Variants in CTTN observed in about 807,000 individuals in gnomAD.
The protein encoded by CTTN is src substrate cortactin.
In CTTN, 28 loss-of-function variants were observed where a neutral mutation model predicts 84.0. The ratio of observed to expected loss-of-function variants is 0.33; its 90% CI spans 0.25 to 0.46. CTTN has a LOEUF of 0.46. Ranked by LOEUF, CTTN falls within the 20% of genes least tolerant of loss-of-function variation. The pLI is 1.00. For synonymous variants in CTTN, 301 were observed against 288.8 expected (o/e 1.04, Z -0.43); for missense variants, 641 against 723.8 (o/e 0.89, Z 1.31).
At position 70,407,317 on chromosome 11, in the gene CTTN, G is replaced by A. The variant is rs1357540353; in HGVS notation, c.20G>A (p.Gly7Asp). ...TTTCAGATGTGGAAAGCTTCAGCAGGCCACGCTGTGTCCATCGCCCAGGAT... is the reference window on the plus strand; with the variant it reads ...TTTCAGATGTGGAAAGCTTCAGCAGACCACGCTGTGTCCATCGCCCAGGAT... MWKASA[G>D]HAVSIAQDDA... The change falls in exon 3 of 18, where the codon GGC becomes GAC. Residue 7 changes from glycine (G) to aspartate (D), a missense_variant. Gly to Asp is a moderately conservative substitution (Grantham distance 94). Coordinates refer to ENST00000301843, the MANE Select transcript of CTTN (RefSeq NM_005231.4). 3 of 1,552,362 alleles carry A rather than the reference G, an allele frequency of 1.9e-6. No homozygotes were observed. The highest frequency in any genetic ancestry group is 3.9e-5 in the Admixed American group (2 of 51,090).
chr11:70,415,009 C>T (rs904279209), intron 6 of CTTN, among the ~76,000 whole-genome samples: 11 of 152,122 alleles, frequency 7.2e-5, no homozygotes, highest in East Asian at 1.9e-4. Flanking sequence ...GGGCAGGATG[C>T]GCTCGTGTCC....
chr11:70,425,029 T>C (rs1190870897), intron 12 of CTTN, among the ~76,000 whole-genome samples: 2 of 152,164 alleles, frequency 1.3e-5, no homozygotes, highest in Non-Finnish European at 2.9e-5. Context: ...CTCACACCTC[T>C]GGGTGGCGAC....
intron 13 of CTTN, among the ~76,000 whole-genome samples, chr11:70,427,558 G>A (rs1357109777): frequency 6.6e-6 from 1 of 152,256 alleles, no homozygotes; most frequent in African/African-American, 2.4e-5. Flanking sequence ...GGGAAAGGGA[G>A]GAGTGTTTGT....
intron 6 of CTTN, among the ~76,000 whole-genome samples, 162 bp downstream of exon 6, chr11:70,414,814 G>T (rs2058138981): frequency 6.6e-6 from 1 of 152,272 alleles, no homozygotes; most frequent in East Asian, 1.9e-4. Flanking sequence ...GAGAGCCTGG[G>T]CTCTCAGAGA....
chr11:70,421,399 C>A, intron 10 of CTTN, 71 bp from the exon 11 acceptor site: 1 of 1,091,642 alleles, frequency 9.2e-7, no homozygotes, highest in Non-Finnish European at 1.4e-6. Flanking sequence ...TTTGCGCATG[C>A]TCATGCAATT....
chr11:70,402,562 A>G (rs1217374594), intron 1 of CTTN, among the ~76,000 whole-genome samples: 1 of 152,222 alleles, frequency 6.6e-6, no homozygotes, highest in Non-Finnish European at 1.5e-5. Flanking sequence ...AACTCCAGAC[A>G]TTTCCTAGAA....
chr11:70,421,625 G>A, intron 11 of CTTN, 45 bp downstream of exon 11: 1 of 1,391,176 alleles, frequency 7.2e-7, no homozygotes, highest in Non-Finnish European at 1.0e-6. Flanking sequence ...ACCCTCCTGT[G>A]CGGCCACTTC....
intron 9 of CTTN, 127 bp from the exon 10 acceptor site, chr11:70,420,273 C>T: frequency 1.4e-6 from 1 of 692,998 alleles, no homozygotes; most frequent in Non-Finnish European, 2.6e-6. Flanking sequence ...AAAGTATTAC[C>T]AAAGATCCGG....
chr11:70,415,449 C>G (rs181800596), intron 6 of CTTN, among the ~76,000 whole-genome samples: 203 of 152,346 alleles, frequency 1.3e-3, no homozygotes, highest in African/African-American at 4.7e-3. Context: ...ATGGCTTGGC[C>G]TGCGCCGCCC....
rs760509462 is a variant in CTTN, at chr11:70,421,527, C to T, written c.848C>T (p.Ala283Val). Residue 283 changes from alanine (A) to valine (V), a missense_variant, in exon 11 of 18, where the codon GCT (alanine) becomes GTT (valine). This residue lies in a region of CTTN where 289 missense variants were observed against 273.1 expected (regional missense o/e 1.06). Coordinates refer to ENST00000301843, the MANE Select transcript of CTTN (RefSeq NM_005231.4). ...FGVQSERQDS[A>V]AVGFDYKEKL... ...GTTCAGTCGGAGAGGCAGGACTCCG[C>T]TGCTGTGGGGTTTGATTACAAGGAG... is the stretch of plus-strand genomic sequence containing the variant. 6.2e-7 allele frequency: 1 copy of T among 1,614,158 alleles called. No homozygotes were observed. The highest frequency in any genetic ancestry group is 8.5e-7 in the Non-Finnish European group (1 of 1,180,014).
At position 70,425,493 on chromosome 11, in the gene CTTN, C is replaced by A. The variant is rs188816276; in HGVS notation, c.1027+92C>A. 4.2e-5 allele frequency: 37 copies of A among 884,130 alleles called. No individual in the cohort carries two copies. In the African/African-American group the frequency reaches 5.5e-4, roughly 13 times the overall value. The allele number at this position is 884,130 out of a possible 1,614,324, so 54.8% of individuals were successfully genotyped here. On this transcript the variant is annotated intron_variant, in intron 13 of 17. Coordinates refer to ENST00000301843, the MANE Select transcript of CTTN (RefSeq NM_005231.4). ...TGTGAAACAGCCAGGAGCAGATGCA[C>A]CACTAGTTGAAAGCGTGGTTGTTGC...
chr11:70,422,285 A>G (rs2058246094), intron 11 of CTTN: 1 of 350,880 alleles, frequency 2.8e-6, no homozygotes, highest in Non-Finnish European at 5.7e-6. Flanking sequence ...CTTGCAGGGA[A>G]GACTCTAGGC....
At position 70,403,250 on chromosome 11, in the gene CTTN, G is replaced by T. The variant is rs142825562; in HGVS notation, c.-97-2015G>T. ...TGTCGCCAGGCTGCAGTATAGTGGC[G>T]CAATCTCGGCTCACTACAGCCTCTG... On this transcript the variant is annotated intron_variant, in intron 1 of 17. Transcript: ENST00000301843. Among the ~76,000 whole-genome samples, 509 of 144,574 alleles carry T rather than the reference G, an allele frequency of 3.5e-3. 2 individuals carry two copies. Among genetic ancestry groups the T allele is most frequent in the African/African-American group, 0.013 (484 of 38,712 alleles). The allele number at this position is 144,574 out of a possible 152,430, so 94.8% of individuals were successfully genotyped here.
chr11:70,409,838 A>G lies in CTTN; in HGVS notation c.169A>G (p.Lys57Glu). ...TTCATCTCTTCCATCAAGCATACAC[A>G]AGCTGAGGGAGAATGTCTTTCAAGA... ...SGHQEHINIH[K>E]LRENVFQEHQ... Residue 57 changes from lysine to glutamate, a missense_variant, in exon 5 of 18, where the codon AAG becomes GAG. Physicochemically the swap from Lys to Glu is moderately conservative, Grantham distance 56. Coordinates refer to ENST00000301843, the MANE Select transcript of CTTN (RefSeq NM_005231.4). 1 of 1,614,068 alleles carries G rather than the reference A, an allele frequency of 6.2e-7. No individual in the cohort carries two copies. The highest frequency in any genetic ancestry group is 8.5e-7 in the Non-Finnish European group (1 of 1,179,966).
At chr11:70,400,522 C>CT (rs2057965338) in intron 1 of CTTN, among the ~76,000 whole-genome samples, 3 of 152,150 alleles carry the variant, frequency 2.0e-5, no homozygotes, top group Non-Finnish European at 1.5e-5. Flanking sequence ...CCTTGAACTG[C>CT]TGGCCTTAAG....
chr11:70,422,779 G>A (rs2058253282), intron 11 of CTTN, 161 bp from the exon 12 acceptor site: 3 of 1,478,912 alleles, frequency 2.0e-6, no homozygotes, highest in African/African-American at 1.4e-5. Context: ...ATGGGTGGAA[G>A]CAAAACTTGC....
chr11:70,408,181 C>T (rs965437056), intron 4 of CTTN: 4 of 151,884 alleles, frequency 2.6e-5, no homozygotes, highest in African/African-American at 9.7e-5. Flanking sequence ...AAAATATGCT[C>T]AGACTTTTAT....
At chr11:70,432,714 G>C (rs770355284) in intron 15 of CTTN, among the ~76,000 whole-genome samples, 1 of 152,234 alleles carries the variant, frequency 6.6e-6, no homozygotes, top group Non-Finnish European at 1.5e-5. Flanking sequence ...GTGGCCGCTC[G>C]GCCCAAGGGT....
Position 70,429,135 on chromosome 11 carries a change from C to T in CTTN, c.1112C>T (p.Ala371Val), listed in dbSNP as rs753437189. Residue 371 changes from alanine (A) to valine (V), a missense_variant, in exon 14 of 18, where the codon GCG becomes GTG. By Grantham distance (64) the Ala-to-Val change is moderately conservative. Around this residue, in one of 3 missense-constraint regions of CTTN, gnomAD observed 289 missense variants for 273.1 expected, o/e 1.06. Transcript: ENST00000301843. ...KEQEDRRKAE[A>V]ERAQRMAKER... Reference sequence around the variant, plus strand: ...CAGGAGGACAGGCGGAAGGCGGAGGCGGAGAGAGCCCAGCGGATGGCCAAG... The same window carrying T: ...CAGGAGGACAGGCGGAAGGCGGAGGTGGAGAGAGCCCAGCGGATGGCCAAG... 2.7e-5 allele frequency: 43 copies of T among 1,613,972 alleles called. No homozygotes were observed. Among genetic ancestry groups the T allele is most frequent in the East Asian group, 6.7e-5 (3 of 44,886 alleles).
Sources: gnomAD v4.1 joint callset for allele counts (sites outside exome capture counted in the v4.1 genomes callset) on GRCh38, gnomAD v4.1.1 for gene constraint, gnomAD v4.1.1 regional missense constraint, MANE v1.5 for transcripts, NCBI Gene and HGNC (gene_info 2026-07-23, HGNC 2026-07-21) for gene names.